Variants in CNTNAP5 observed in about 807,000 individuals in gnomAD.
CNTNAP5 encodes contactin associated protein family member 5.
In CNTNAP5, 72 loss-of-function variants were observed where a neutral mutation model predicts 150.2. The observed-to-expected ratio is 0.48, with a 90% CI of 0.40 to 0.58. The LOEUF is 0.58. Among genes scored for constraint, CNTNAP5 ranks in the 20% least tolerant of loss-of-function variants. The probability of loss-of-function intolerance (pLI) is 0.00; values close to 1 mark genes in which losing one functional copy is unlikely to be tolerated. For synonymous variants in CNTNAP5, 672 were observed against 619.8 expected, an observed-to-expected ratio of 1.08 and a Z score of -1.25; for missense variants, 1,636 against 1,626.2, an observed-to-expected ratio of 1.01 and a Z score of -0.10.
intron 4 of CNTNAP5, among the ~76,000 whole-genome samples, chr2:124,429,930 G>A (rs1039043026): frequency 2.6e-5 from 4 of 152,150 alleles, no homozygotes; most frequent in African/African-American, 4.8e-5. Context: ...GGTTCTGGAT[G>A]GCATACCCTT....
At position 124,920,302 on chromosome 2, in the gene CNTNAP5, A is replaced by G. The variant is rs1289863835; in HGVS notation, c.*6014A>G. Among the ~76,000 whole-genome samples, 4 of 152,116 alleles carry G rather than the reference A, an allele frequency of 2.6e-5. No homozygotes were observed. Among genetic ancestry groups the G allele is most frequent in the Admixed American group, 2.6e-4 (4 of 15,268 alleles). On this transcript the variant is annotated 3_prime_UTR_variant, in exon 24 of 24. Coordinates refer to ENST00000682447, the MANE Select transcript of CNTNAP5 (RefSeq NM_001367498.1). Reference sequence around the variant, plus strand: ...TGAAACAGGAATAATGCATTCCTCTACAGACTCTTTGAAAGGCTTTCTCTT... The same window carrying G: ...TGAAACAGGAATAATGCATTCCTCTGCAGACTCTTTGAAAGGCTTTCTCTT...
intron 19 of CNTNAP5, among the ~76,000 whole-genome samples, chr2:124,798,836 C>T (rs1300972711): frequency 1.3e-5 from 2 of 151,924 alleles, no homozygotes; most frequent in South Asian, 2.1e-4. Context: ...TTCTTTTTTT[C>T]AGGCTTTTTT....
At chr2:124,555,515 T>C (rs990612000) in intron 10 of CNTNAP5, among the ~76,000 whole-genome samples, 11 of 152,256 alleles carry the variant, frequency 7.2e-5, no homozygotes, top group South Asian at 2.1e-4. Context: ...TTAATACACA[T>C]TGATGAACTC....
chr2:124,918,156 T>A lies in CNTNAP5; in HGVS notation c.*3868T>A, dbSNP rs1299113062. On this transcript the variant is annotated 3_prime_UTR_variant, in exon 24 of 24. Coordinates refer to ENST00000682447, the MANE Select transcript of CNTNAP5 (RefSeq NM_001367498.1). ...TTCCAAAAGTCTTGCCTCCCATGAG[T>A]TGGACCTAAGAGTGTCCACTTTGGC... 6.6e-6 allele frequency among the ~76,000 whole-genome samples: 1 copy of A among 152,012 alleles called. No individual in the cohort carries two copies.
At chr2:124,565,927 A>G (rs911915828) in intron 11 of CNTNAP5, among the ~76,000 whole-genome samples, 4 of 148,624 alleles carry the variant, frequency 2.7e-5, no homozygotes, top group Non-Finnish European at 4.4e-5. Context: ...GTGAATACGT[A>G]TAAGATTTTA....
At chr2:124,540,752 G>A (rs1348415751) in intron 10 of CNTNAP5, among the ~76,000 whole-genome samples, 6 of 152,076 alleles carry the variant, frequency 3.9e-5, no homozygotes, top group Admixed American at 6.6e-5. Context: ...GTGCTGGGTA[G>A]AAGCTGAGGA....
intron 3 of CNTNAP5, among the ~76,000 whole-genome samples, chr2:124,297,234 T>G (rs1688455928): frequency 1.3e-5 from 2 of 152,210 alleles, no homozygotes; most frequent in African/African-American, 4.8e-5. Context: ...CCTCAAAAAC[T>G]AAGTGAACTA....
intron 1 of CNTNAP5, among the ~76,000 whole-genome samples, chr2:124,032,923 A>G (rs1681103050): frequency 6.6e-6 from 1 of 152,208 alleles, no homozygotes; most frequent in Non-Finnish European, 1.5e-5. Context: ...TTGTCAGCAG[A>G]GTGAGAACTA....
chr2:124,210,570 T>C (rs1361751443), intron 1 of CNTNAP5, among the ~76,000 whole-genome samples: 1 of 152,144 alleles, frequency 6.6e-6, no homozygotes, highest in Non-Finnish European at 1.5e-5. Flanking sequence ...TCTTTTACTA[T>C]TCTAAATCCC....
At chr2:124,182,559 C>A (rs1372039558) in intron 1 of CNTNAP5, among the ~76,000 whole-genome samples, 3 of 152,114 alleles carry the variant, frequency 2.0e-5, no homozygotes, top group Non-Finnish European at 4.4e-5. Flanking sequence ...TCATCATTGA[C>A]AAATCCGGTG....
chr2:124,378,689 A>G (rs1558875126), intron 3 of CNTNAP5, among the ~76,000 whole-genome samples: 1 of 152,114 alleles, frequency 6.6e-6, no homozygotes, highest in Non-Finnish European at 1.5e-5. Flanking sequence ...TACTTTTATG[A>G]GAATATTTAT....
intron 8 of CNTNAP5, among the ~76,000 whole-genome samples, chr2:124,517,446 G>C (rs1308898597): frequency 2.0e-5 from 3 of 151,114 alleles, no homozygotes; most frequent in Non-Finnish European, 4.4e-5. Context: ...TGTGGTGTTG[G>C]TAATGGAAGG....
At chr2:124,242,512 A>C in intron 3 of CNTNAP5, 119 bp downstream of exon 3, 2 of 907,966 alleles carry the variant, frequency 2.2e-6, no homozygotes, top group Non-Finnish European at 3.3e-6. Flanking sequence ...GTGAGTGCCC[A>C]TTAGAAATAA....
intron 3 of CNTNAP5, among the ~76,000 whole-genome samples, chr2:124,253,665 G>A (rs980660573): frequency 1.3e-5 from 2 of 152,128 alleles, no homozygotes; most frequent in African/African-American, 4.8e-5. Context: ...GAACAAAGAA[G>A]CCAAAGAAAA....
rs548191141 is a variant in CNTNAP5 at position 124,836,260 on chromosome 2, T to C, written c.3218-29046T>C. 2.0e-5 allele frequency among the ~76,000 whole-genome samples: 3 copies of C among 152,286 alleles called. No homozygotes were observed. In the East Asian group the frequency reaches 5.8e-4, roughly 29 times the overall value. On this transcript the variant is annotated intron_variant, in intron 19 of 23. Transcript: ENST00000682447. Reference sequence around the variant, plus strand: ...TTAATGAATGGTTTCCAAAATGCTTTGTAAAACTCCACACAAATACAGTTG... The same window carrying C: ...TTAATGAATGGTTTCCAAAATGCTTCGTAAAACTCCACACAAATACAGTTG...
chr2:124,113,506 A>ATATG (rs1683351075), intron 1 of CNTNAP5, among the ~76,000 whole-genome samples: 3 of 142,790 alleles, frequency 2.1e-5, no homozygotes, highest in Admixed American at 1.4e-4. Context: ...ATACATATAT[A>ATATG]TGTGTGTGTG....
chr2:124,565,174 T>G (rs1695988549), intron 11 of CNTNAP5, among the ~76,000 whole-genome samples: 1 of 152,170 alleles, frequency 6.6e-6, no homozygotes, highest in Non-Finnish European at 1.5e-5. Context: ...TCTGATCAAT[T>G]TAGAGAAGAA....
chr2:124,879,653 T>A (rs910267733), intron 21 of CNTNAP5, among the ~76,000 whole-genome samples: 1 of 152,132 alleles, frequency 6.6e-6, no homozygotes. Flanking sequence ...TTTATTTGTT[T>A]TGAAGATATG....
chr2:124,836,747 T>C (rs1452657553), intron 19 of CNTNAP5, among the ~76,000 whole-genome samples: 1 of 152,082 alleles, frequency 6.6e-6, no homozygotes, highest in Non-Finnish European at 1.5e-5. Flanking sequence ...TTTAAGATTA[T>C]TTAACTATCT....
Sources: gnomAD v4.1 joint callset for allele counts (sites outside exome capture counted in the v4.1 genomes callset) on GRCh38, gnomAD v4.1.1 for gene constraint, MANE v1.5 for transcripts, NCBI Gene and HGNC (gene_info 2026-07-23, HGNC 2026-07-21) for gene names.